ZBTB40: variants seen among roughly 807,000 people sequenced by gnomAD.
ZBTB40 encodes the protein zinc finger and BTB domain-containing protein 40.
A neutral mutation model predicts 117.5 loss-of-function variants in ZBTB40; 60 were observed. That is an observed-to-expected ratio of 0.51 (90% CI 0.41 to 0.63). The LOEUF (loss-of-function observed/expected upper bound fraction) is 0.63. Ranked by LOEUF, ZBTB40 falls within the 30% of genes least tolerant of loss-of-function variation. The pLI, the probability that ZBTB40 is intolerant of heterozygous loss-of-function variation, is 0.00. For missense variants in ZBTB40, 1,287 were observed against 1,498.5 expected (o/e 0.86, Z 2.33); for synonymous variants, 525 against 577.1 (o/e 0.91, Z 1.29).
chr1:22,431,930 C>T (rs991865096), intron 1 of ZBTB40, among the ~76,000 whole-genome samples: 1 of 151,826 alleles, frequency 6.6e-6, no homozygotes, highest in African/African-American at 2.4e-5. Context: ...GTTTTGCTCC[C>T]GCCTGGTTTC....
chr1:22,523,829 TCATAAGGTGC>T (rs1639603821), intron 16 of ZBTB40, among the ~76,000 whole-genome samples: 1 of 152,210 alleles, frequency 6.6e-6, no homozygotes, highest in Admixed American at 6.5e-5. Context: ...CCCACAGAAG[TCATAAGGTGC>T]CATTGATCCT....
chr1:22,480,669 T>G (rs1638278169), intron 1 of ZBTB40, among the ~76,000 whole-genome samples: 1 of 152,214 alleles, frequency 6.6e-6, no homozygotes, highest in Admixed American at 6.5e-5. Context: ...GTTTTTCTTT[T>G]TCTCTATGTG....
intron 12 of ZBTB40, 119 bp from the exon 13 acceptor site, chr1:22,517,181 T>C (rs183164461): frequency 3.6e-6 from 5 of 1,407,526 alleles, no homozygotes; most frequent in Admixed American, 3.4e-5. Context: ...GACTGCCTGA[T>C]GTTTTAATGT....
At chr1:22,434,383 G>A (rs1386776574) in intron 1 of ZBTB40, among the ~76,000 whole-genome samples, 1 of 152,092 alleles carries the variant, frequency 6.6e-6, no homozygotes, top group Non-Finnish European at 1.5e-5. Context: ...AGTTTCAAAT[G>A]TATTTTCCCA....
chr1:22,474,186 T>C (rs1641499857), intron 1 of ZBTB40, among the ~76,000 whole-genome samples: 1 of 152,200 alleles, frequency 6.6e-6, no homozygotes, highest in Non-Finnish European at 1.5e-5. Context: ...TAGGAAGGCA[T>C]ACAGGCCATT....
chr1:22,441,570 C>T (rs1306643551), intron 1 of ZBTB40, among the ~76,000 whole-genome samples: 1 of 149,546 alleles, frequency 6.7e-6, no homozygotes, highest in Non-Finnish European at 1.5e-5. Context: ...GCAACCTCCA[C>T]CTCCTGTGTT....
chr1:22,519,763 T>C (rs560746012), intron 13 of ZBTB40: 1 of 425,292 alleles, frequency 2.4e-6, no homozygotes, highest in Non-Finnish European at 4.4e-6. Context: ...TGGAAAGTGA[T>C]AAAGTGTAAT....
chr1:22,497,402 A>C lies in ZBTB40; in HGVS notation c.832-4090A>C, dbSNP rs140121588. On this transcript the variant is annotated intron_variant, in intron 3 of 17. Coordinates refer to ENST00000375647, the MANE Select transcript of ZBTB40 (RefSeq NM_014870.4). ...TGTGTTTGGAGGGCTCTGTTCACTG[A>C]CAGGGTTGGGTAGCCCTCTTGAGAG... is the stretch of plus-strand genomic sequence containing the variant. Among the ~76,000 whole-genome samples, 159 of 152,294 alleles carry C rather than the reference A, an allele frequency of 1.0e-3. 1 individual carries two copies. Among genetic ancestry groups the C allele is most frequent in the African/African-American group, 3.1e-3 (127 of 41,578 alleles).
Position 22,502,690 on chromosome 1 carries a change from G to A in ZBTB40, c.1167+249G>A, listed in dbSNP as rs183760268. 8.9e-4 allele frequency among the ~76,000 whole-genome samples: 135 copies of A among 152,250 alleles called. 1 individual carries two copies. In the East Asian group the frequency reaches 0.015, roughly 17 times the overall value. On this transcript the variant is annotated intron_variant, in intron 5 of 17. Coordinates refer to ENST00000375647, the MANE Select transcript of ZBTB40 (RefSeq NM_014870.4). ...GGATGTGTGGGTGGGTGGATGGATG[G>A]ATGGGTGGACAGTTGGACAGATGGA...
chr1:22,434,944 C>T (rs1395731639), intron 1 of ZBTB40, among the ~76,000 whole-genome samples: 3 of 151,782 alleles, frequency 2.0e-5, no homozygotes, highest in African/African-American at 7.3e-5. Flanking sequence ...AACATTTTTA[C>T]GTTGTTTACC....
At chr1:22,520,015 C>A (rs1040282826) in intron 13 of ZBTB40, 46 bp from the exon 14 acceptor site, 1 of 1,581,572 alleles carries the variant, frequency 6.3e-7, no homozygotes, top group Non-Finnish European at 8.7e-7. Flanking sequence ...ATGGTGTTTT[C>A]TTTTCCTCTC....
intron 16 of ZBTB40, among the ~76,000 whole-genome samples, chr1:22,522,807 C>T (rs1639570327): frequency 6.6e-6 from 1 of 151,482 alleles, no homozygotes; most frequent in South Asian, 2.1e-4. Context: ...ACTCTGTCAC[C>T]CAGCCTGGAG....
intron 1 of ZBTB40, among the ~76,000 whole-genome samples, chr1:22,482,238 G>A (rs985073449): frequency 1.3e-5 from 2 of 152,128 alleles, no homozygotes; most frequent in Non-Finnish European, 2.9e-5. Context: ...ACAATATTAG[G>A]TACATGGTAT....
intron 1 of ZBTB40, among the ~76,000 whole-genome samples, chr1:22,454,687 G>A (rs2124380497): frequency 6.6e-6 from 1 of 152,336 alleles, no homozygotes; most frequent in East Asian, 1.9e-4. Context: ...CTCAGTCCCT[G>A]GCCGTGAACC....
chr1:22,469,646 T>A (rs1248342691), intron 1 of ZBTB40, among the ~76,000 whole-genome samples: 1 of 152,178 alleles, frequency 6.6e-6, no homozygotes, highest in Non-Finnish European at 1.5e-5. Flanking sequence ...AACCTCCGCC[T>A]CCTGGCTTCA....
intron 1 of ZBTB40, among the ~76,000 whole-genome samples, chr1:22,469,271 G>A (rs530002031): frequency 5.3e-5 from 8 of 152,180 alleles, no homozygotes; most frequent in Admixed American, 2.6e-4. Flanking sequence ...TCCTTTATGC[G>A]TAGAAAAGCC....
chr1:22,481,362 T>C (rs1183913297), intron 1 of ZBTB40, among the ~76,000 whole-genome samples: 2 of 152,164 alleles, frequency 1.3e-5, no homozygotes, highest in Admixed American at 6.5e-5. Flanking sequence ...CCCTTGAATG[T>C]TTTAGGCCTT....
At chr1:22,476,664 G>C (rs955631824) in intron 1 of ZBTB40, among the ~76,000 whole-genome samples, 1 of 152,206 alleles carries the variant, frequency 6.6e-6, no homozygotes, top group Non-Finnish European at 1.5e-5. Context: ...GCGGCACTTG[G>C]TTCAGCCAAT....
At position 22,529,107 on chromosome 1, in the gene ZBTB40, A is replaced by C. The variant is rs1171601458; in HGVS notation, c.*2711A>C. On this transcript the variant is annotated 3_prime_UTR_variant, in exon 18 of 18. Coordinates refer to ENST00000375647, the MANE Select transcript of ZBTB40 (RefSeq NM_014870.4). ...GCTCTCTAGAGAAGCCCAGGCATGG[A>C]TCTTATAGGAAAACTTTCTGACTCT... The C allele has an allele frequency of 1.3e-5, 2 of 152,270 alleles. No homozygotes were observed. The highest frequency in any genetic ancestry group is 2.9e-5 in the Non-Finnish European group (2 of 68,036). 9.4% of individuals were successfully genotyped at this position (152,270 alleles called of 1,614,324 possible). A position where few individuals can be genotyped will look rare whatever the true frequency, so the allele number is the denominator to read the frequency against.
Sources: gnomAD v4.1 joint callset for allele counts (sites outside exome capture counted in the v4.1 genomes callset) on GRCh38, gnomAD v4.1.1 for gene constraint, MANE v1.5 for transcripts, NCBI Gene and HGNC (gene_info 2026-07-23, HGNC 2026-07-21) for gene names.